Variants in FRA10AC1 observed in about 807,000 individuals in gnomAD.
FRA10AC1 encodes FRA10A associated CGG repeat 1.
FRA10AC1 carries 43 observed loss-of-function variants against 56.5 expected under a neutral mutation model. The observed-to-expected ratio is 0.76, with a 90% CI of 0.60 to 0.98. The LOEUF (loss-of-function observed/expected upper bound fraction) is 0.98, where lower values mean the gene tolerates loss of function less well. FRA10AC1 is among the 50% of genes least tolerant of loss of function. FRA10AC1 has a pLI of 0.00. For missense variants in FRA10AC1, 346 were observed against 351.8 expected (o/e 0.98, Z 0.13); for synonymous variants, 112 against 110.5 (o/e 1.01, Z -0.09).
intron 4 of FRA10AC1, among the ~76,000 whole-genome samples, chr10:93,697,185 T>C (rs1564822097): frequency 6.6e-6 from 1 of 152,196 alleles, no homozygotes; most frequent in Non-Finnish European, 1.5e-5. Context: ...GTACCCATAC[T>C]TTCACTCTCA....
At position 93,692,697 on chromosome 10, in the gene FRA10AC1, C is replaced by T. The variant is rs980868001; in HGVS notation, c.329G>A (p.Arg110Gln). ...ATTCCATAGGAATCTATGATTTTCT[C>T]GTATAACATCCAAGTCTGTCTTGTC... ...ENDKTDLDVIRENHRFLWNEE... is the reference protein window; with the variant it reads ...ENDKTDLDVIQENHRFLWNEE... Residue 110 changes from arginine (R) to glutamine (Q), a missense_variant, in exon 6 of 14, where the codon CGA (arginine) becomes CAA (glutamine). Transcript: ENST00000359204. The T allele has an allele frequency of 4.5e-5, 71 of 1,592,982 alleles. No homozygotes were observed. The highest frequency in any genetic ancestry group is 6.8e-5 in the African/African-American group (5 of 73,400).
chr10:93,688,846 C>G (rs1202550285), intron 7 of FRA10AC1, among the ~76,000 whole-genome samples: 1 of 151,846 alleles, frequency 6.6e-6, no homozygotes, highest in Non-Finnish European at 1.5e-5. Context: ...AATAAAAAAC[C>G]ACTCCAGTCT....
Position 93,694,887 on chromosome 10 carries a change from GC to G in FRA10AC1, c.269del (p.Gly90AlafsTer36). 6.3e-7 allele frequency: 1 copy of G among 1,585,608 alleles called. No homozygotes were observed. The highest frequency in any genetic ancestry group is 8.7e-7 in the Non-Finnish European group (1 of 1,154,826). On this transcript the variant is annotated frameshift_variant, in exon 5 of 14. Coordinates refer to ENST00000359204, the MANE Select transcript of FRA10AC1 (RefSeq NM_145246.5). LOFTEE classifies it high-confidence loss of function. ...FVNDYILYYGGKKEDFKRLGE... is the reference protein window; with the variant it reads ...FVNDYILYYGXKKEDFKRLGE... ...CCAAACGCTTGAAGTCTTCTTTTTT[GC>G]CACCATAGTATAAAATATAGTCATT...
At chr10:93,674,824 AG>A (rs1242737970) in intron 12 of FRA10AC1, 1 of 152,190 alleles carries the variant, frequency 6.6e-6, no homozygotes, top group Non-Finnish European at 1.5e-5. Context: ...GAACTGAAAA[AG>A]GGGAATTTTT....
chr10:93,680,833 A>G (rs1242809477), intron 11 of FRA10AC1, among the ~76,000 whole-genome samples: 2 of 152,234 alleles, frequency 1.3e-5, no homozygotes. Flanking sequence ...AAAAGGAATC[A>G]AGACCATTTT....
At chr10:93,670,597 G>A (rs146693914) in intron 13 of FRA10AC1, among the ~76,000 whole-genome samples, 173 bp downstream of exon 13, 4 of 152,236 alleles carry the variant, frequency 2.6e-5, no homozygotes, top group Admixed American at 6.6e-5. Context: ...GAAGCTGGAT[G>A]TGTTGGCTGC....
chr10:93,684,894 A>G (rs2058998448), intron 9 of FRA10AC1, among the ~76,000 whole-genome samples: 3 of 152,206 alleles, frequency 2.0e-5, no homozygotes, highest in Admixed American at 6.5e-5. Context: ...TCTGTGCTAC[A>G]ACGATATCAC....
At chr10:93,698,782 G>C (rs1274435351) in intron 2 of FRA10AC1, among the ~76,000 whole-genome samples, 1 of 150,582 alleles carries the variant, frequency 6.6e-6, no homozygotes, top group Non-Finnish European at 1.5e-5. Context: ...TACACAAAAA[G>C]CAAGGCTGAT....
upstream of FRA10AC1, chr10:93,702,891 A>G (rs1057345433): frequency 7.1e-6 from 3 of 423,822 alleles, no homozygotes; most frequent in African/African-American, 4.1e-5. Flanking sequence ...TCCTCTCTCT[A>G]GTAACCTTAG....
Position 93,687,419 on chromosome 10 carries a change from CTTCT to C in FRA10AC1, c.492_495del (p.Glu165Ter), listed in dbSNP as rs2059049541. Reference sequence around the variant, plus strand: ...AAAGAATTACCTTTTCCTGAAATTACTTCTTTTTCTACTCGCCACCTAAATCCAA... The same window carrying C: ...AAAGAATTACCTTTTCCTGAAATTACTTTTCTACTCGCCACCTAAATCCAA... On this transcript the variant is annotated frameshift_variant, in exon 8 of 14. Coordinates refer to ENST00000359204, the MANE Select transcript of FRA10AC1 (RefSeq NM_145246.5). LOFTEE classifies it high-confidence loss of function. 3 of 1,513,464 alleles carry C rather than the reference CTTCT, an allele frequency of 2.0e-6. No individual in the cohort carries two copies. Among genetic ancestry groups the C allele is most frequent in the Non-Finnish European group, 2.7e-6 (3 of 1,114,954 alleles). The allele number at this position is 1,513,464 out of a possible 1,614,324, so 93.8% of individuals were successfully genotyped here. A position where few individuals can be genotyped will look rare whatever the true frequency, so the allele number is the denominator to read the frequency against.
chr10:93,696,609 T>A (rs1299731857), intron 4 of FRA10AC1, among the ~76,000 whole-genome samples: 1 of 152,232 alleles, frequency 6.6e-6, no homozygotes, highest in Non-Finnish European at 1.5e-5. Flanking sequence ...ACTGGGTATA[T>A]ACCAAAAGGA....
intron 1 of FRA10AC1, among the ~76,000 whole-genome samples, chr10:93,700,999 T>TA: frequency 6.6e-6 from 1 of 152,174 alleles, no homozygotes; most frequent in Non-Finnish European, 1.5e-5. Flanking sequence ...CTGGCAAACT[T>TA]AAAAAAATTT....
rs1024272562 is a variant in FRA10AC1, at chr10:93,668,295, CATCT to C, written c.*1527_*1530del. On this transcript the variant is annotated 3_prime_UTR_variant, in exon 14 of 14. Transcript: ENST00000359204. ...TCAAGCATCTTCTCCTATATCTATC[CATCT>C]ATTTGCTCTTTATAAAAGCAGATCT... 2.6e-5 allele frequency: 4 copies of C among 152,042 alleles called. No individual in the cohort carries two copies. Among genetic ancestry groups the C allele is most frequent in the Non-Finnish European group, 5.9e-5 (4 of 68,014 alleles). The allele number at this position is 152,042 out of a possible 1,614,324, so 9.4% of individuals were successfully genotyped here.
chr10:93,693,211 TA>T (rs548877208), intron 5 of FRA10AC1, among the ~76,000 whole-genome samples: 141 of 115,530 alleles, frequency 1.2e-3, no homozygotes, highest in Non-Finnish European at 1.3e-3. Flanking sequence ...AGTCTGGGGG[TA>T]AAAAAAAAAA....
At chr10:93,701,394 CAT>C (rs767447520) in intron 1 of FRA10AC1, among the ~76,000 whole-genome samples, 363 of 152,286 alleles carry the variant, frequency 2.4e-3, no homozygotes, top group Admixed American at 4.1e-3. Flanking sequence ...GGGTAAACGA[CAT>C]GTTTCTAGTC....
At chr10:93,673,328 C>T (rs1238697019) in intron 12 of FRA10AC1, 1 of 456,456 alleles carries the variant, frequency 2.2e-6, no homozygotes, top group Non-Finnish European at 4.4e-6. Flanking sequence ...CCCTCCCATC[C>T]TTTCACTCTT....
At chr10:93,695,372 A>C (rs2059214242) in intron 4 of FRA10AC1, among the ~76,000 whole-genome samples, 1 of 151,970 alleles carries the variant, frequency 6.6e-6, no homozygotes, top group South Asian at 2.1e-4. Context: ...TAAAGCCTCT[A>C]AATAGAAGAT....
intron 7 of FRA10AC1, 78 bp downstream of exon 7, chr10:93,691,931 G>A (rs563288488): frequency 7.2e-7 from 1 of 1,392,516 alleles, no homozygotes; most frequent in African/African-American, 1.5e-5. Context: ...AAAGAATAAT[G>A]TGGGGCATGA....
intron 2 of FRA10AC1, among the ~76,000 whole-genome samples, chr10:93,699,163 A>T (rs1383397098): frequency 6.6e-6 from 1 of 152,230 alleles, no homozygotes; most frequent in Admixed American, 6.5e-5. Flanking sequence ...GATTTGCTCA[A>T]ATTCTATTCT....
Sources: gnomAD v4.1 joint callset for allele counts (sites outside exome capture counted in the v4.1 genomes callset) on GRCh38, gnomAD v4.1.1 for gene constraint, MANE v1.5 for transcripts, NCBI Gene and HGNC (gene_info 2026-07-23, HGNC 2026-07-21) for gene names.